FBXL20: variants seen among roughly 807,000 people sequenced by gnomAD.
The protein encoded by FBXL20 is F-box and leucine rich repeat protein 20.
Under a neutral mutation model 64.0 loss-of-function variants are expected in FBXL20, and 11 were observed. The observed-to-expected ratio is 0.17, with a 90% CI of 0.11 to 0.28. The LOEUF is 0.28. Ranked by LOEUF, FBXL20 falls within the 10% of genes least tolerant of loss-of-function variation. The pLI is 1.00. For synonymous variants in FBXL20, 184 were observed against 189.0 expected, an observed-to-expected ratio of 0.97 and a Z score of 0.22; for missense variants, 303 against 526.2, an observed-to-expected ratio of 0.58 and a Z score of 4.15.
At chr17:39,322,746 T>TA (rs538270605) in intron 2 of FBXL20, among the ~76,000 whole-genome samples, 64 of 151,992 alleles carry the variant, frequency 4.2e-4, no homozygotes, top group Admixed American at 1.4e-3. Context: ...ACATAGGAAA[T>TA]AAAAAAAACA....
chr17:39,267,241 A>C (rs1469532578), intron 12 of FBXL20, among the ~76,000 whole-genome samples: 1 of 151,696 alleles, frequency 6.6e-6, no homozygotes, highest in African/African-American at 2.4e-5. Context: ...ACAGAGTGAG[A>C]CTCTGTCCTC....
chr17:39,349,371 T>C, intron 1 of FBXL20, among the ~76,000 whole-genome samples: 1 of 131,860 alleles, frequency 7.6e-6, no homozygotes, highest in African/African-American at 2.9e-5. Context: ...TTACAGGTAT[T>C]AAGTCACCAT....
At chr17:39,389,199 A>T (rs1255353717) in intron 1 of FBXL20, among the ~76,000 whole-genome samples, 2 of 151,956 alleles carry the variant, frequency 1.3e-5, no homozygotes, top group Admixed American at 6.6e-5. Flanking sequence ...CTGAATAATA[A>T]TGAAGTTTCT....
chr17:39,337,007 C>G (rs2047529073), intron 2 of FBXL20, among the ~76,000 whole-genome samples: 1 of 151,998 alleles, frequency 6.6e-6, no homozygotes. Context: ...TCCTCTCCCT[C>G]TCTTTCCACC....
chr17:39,388,487 T>A (rs568634751), intron 1 of FBXL20, among the ~76,000 whole-genome samples: 1,589 of 149,586 alleles, frequency 0.011, 15 homozygotes, highest in Non-Finnish European at 0.016. Flanking sequence ...TTTTTTTTTT[T>A]AATTTTTTTT....
intron 1 of FBXL20, among the ~76,000 whole-genome samples, chr17:39,352,022 T>C (rs1309699386): frequency 6.6e-6 from 1 of 152,226 alleles, no homozygotes; most frequent in East Asian, 1.9e-4. Flanking sequence ...TTTGTGAATA[T>C]TAAGCAGCTT....
chr17:39,401,055 G>A (rs2048236893), intron 1 of FBXL20, among the ~76,000 whole-genome samples: 1 of 152,224 alleles, frequency 6.6e-6, no homozygotes, highest in African/African-American at 2.4e-5. Flanking sequence ...AAGGAGGCAA[G>A]CCAAGGGTTG....
chr17:39,383,161 CAAA>C (rs544953840), intron 1 of FBXL20, among the ~76,000 whole-genome samples: 5 of 50,276 alleles, frequency 9.9e-5, no homozygotes, highest in Non-Finnish European at 8.3e-5. Flanking sequence ...GACTCTGTCT[CAAA>C]AAAAAAAAAA....
rs548072280 is a variant in FBXL20 at position 39,337,301 on chromosome 17, A to T, written c.104+5879T>A. Among the ~76,000 whole-genome samples the T allele has an allele frequency of 7.9e-3, 1,205 of 152,290 alleles. 15 individuals are homozygous for T. The highest frequency in any genetic ancestry group is 0.028 in the African/African-American group (1,158 of 41,556). On this transcript the variant is annotated intron_variant, in intron 2 of 14. Transcript: ENST00000264658. ...GTTCACTCAGTGCTCAATGGTGCCC[A>T]GGCTGGAGTGCAGTGGTGTGATCTC...
At chr17:39,325,305 C>T (rs1046836452) in intron 2 of FBXL20, among the ~76,000 whole-genome samples, 1 of 152,108 alleles carries the variant, frequency 6.6e-6, no homozygotes, top group African/African-American at 2.4e-5. Flanking sequence ...AGTGGAGAGA[C>T]ATATCTTTTA....
intron 9 of FBXL20, among the ~76,000 whole-genome samples, chr17:39,278,222 C>G (rs1052954958): frequency 2.6e-4 from 39 of 151,558 alleles, no homozygotes; most frequent in African/African-American, 9.2e-4. Flanking sequence ...CTTGGCTCAC[C>G]GCTACATCTG....
chr17:39,400,371 C>T (rs2144695288), intron 1 of FBXL20, among the ~76,000 whole-genome samples: 1 of 152,258 alleles, frequency 6.6e-6, no homozygotes. Context: ...TTTGTCTCGC[C>T]GTCTTACAAT....
chr17:39,341,464 G>C (rs2047582454), intron 2 of FBXL20, among the ~76,000 whole-genome samples: 2 of 152,192 alleles, frequency 1.3e-5, no homozygotes, highest in Non-Finnish European at 2.9e-5. Flanking sequence ...ATGAGAGGCA[G>C]AGGTCATGCT....
chr17:39,402,487 G>A (rs1027389996), upstream of FBXL20: 3 of 340,428 alleles, frequency 8.8e-6, no homozygotes, highest in East Asian at 4.3e-5. Flanking sequence ...CGGGGGTCGG[G>A]GGTGCAGGGC....
intron 8 of FBXL20, 48 bp from the exon 9 acceptor site, chr17:39,281,511 A>C (rs565793639): frequency 6.7e-7 from 1 of 1,498,592 alleles, no homozygotes; most frequent in Non-Finnish European, 9.2e-7. Flanking sequence ...ACATTGTCTC[A>C]AAGGAAAGAG....
intron 1 of FBXL20, among the ~76,000 whole-genome samples, chr17:39,395,538 C>T (rs767703288): frequency 5.9e-5 from 9 of 152,202 alleles, no homozygotes; most frequent in Non-Finnish European, 2.9e-5. Flanking sequence ...CAGGCCTTTG[C>T]TATGTATTTT....
intron 2 of FBXL20, among the ~76,000 whole-genome samples, chr17:39,315,858 A>AGAGAGAGG (rs2047285705): frequency 8.0e-6 from 1 of 124,558 alleles, no homozygotes; most frequent in Non-Finnish European, 1.7e-5. Flanking sequence ...AGAGAGAGAG[A>AGAGAGAGG]GAGAGAGAGA....
At position 39,325,635 on chromosome 17, in the gene FBXL20, G is replaced by A. The variant is rs79946858; in HGVS notation, c.104+17545C>T. ...ACCTGCAAAGGAAAACTAGAGAACA[G>A]AATTTGGAGCAACCACATTGTAAAT... On this transcript the variant is annotated intron_variant, in intron 2 of 14. Transcript: ENST00000264658. Among the ~76,000 whole-genome samples, 1,401 of 152,250 alleles carry A rather than the reference G, an allele frequency of 9.2e-3. 18 individuals carry two copies. The highest frequency in any genetic ancestry group is 0.032 in the African/African-American group (1,324 of 41,536).
chr17:39,388,489 A>ACT (rs376642285), intron 1 of FBXL20, among the ~76,000 whole-genome samples: 2 of 144,774 alleles, frequency 1.4e-5, no homozygotes, highest in Admixed American at 6.9e-5. Flanking sequence ...TTTTTTTTTA[A>ACT]TTTTTTTTTT....
Sources: allele counts gnomAD v4.1 joint callset (sites outside exome capture counted in the v4.1 genomes callset), GRCh38; gene constraint gnomAD v4.1.1; transcripts MANE v1.5; gene names NCBI Gene and HGNC (gene_info 2026-07-23, HGNC 2026-07-21).